Variants in CHST8 observed in about 807,000 individuals in gnomAD.
CHST8 encodes carbohydrate sulfotransferase 8.
CHST8 carries 10 observed loss-of-function variants against 15.0 expected under a neutral mutation model. That is an observed-to-expected ratio of 0.67 (90% confidence interval 0.41 to 1.13). The LOEUF (loss-of-function observed/expected upper bound fraction) is 1.13. Among genes scored for constraint, CHST8 ranks in the 50% most tolerant of loss-of-function variants. The pLI is 0.00. For synonymous variants in CHST8, 259 were observed against 256.6 expected, an observed-to-expected ratio of 1.01 and a Z score of -0.09; for missense variants, 634 against 608.2, an observed-to-expected ratio of 1.04 and a Z score of -0.45.
chr19:33,697,452 G>A (rs563434461), intron 3 of CHST8, among the ~76,000 whole-genome samples: 1 of 151,630 alleles, frequency 6.6e-6, no homozygotes, highest in African/African-American at 2.4e-5. Context: ...GGCTGGTCTC[G>A]AACTCCTGGC....
At chr19:33,660,259 C>A (rs1319175914) in intron 1 of CHST8, among the ~76,000 whole-genome samples, 1 of 152,226 alleles carries the variant, frequency 6.6e-6, no homozygotes, top group African/African-American at 2.4e-5. Flanking sequence ...CTTTTTAAGG[C>A]ATGGAAGTTC....
At chr19:33,738,538 G>C (rs1232750422) in intron 3 of CHST8, among the ~76,000 whole-genome samples, 1 of 152,184 alleles carries the variant, frequency 6.6e-6, no homozygotes, top group African/African-American at 2.4e-5. Context: ...CTATTATTCT[G>C]CTGTAAATAT....
intron 3 of CHST8, among the ~76,000 whole-genome samples, chr19:33,748,296 A>G (rs536988653): frequency 6.0e-4 from 91 of 152,376 alleles, no homozygotes; most frequent in Non-Finnish European, 1.1e-3. Flanking sequence ...GCAGAAGTGC[A>G]GGACCTAATG....
intron 3 of CHST8, among the ~76,000 whole-genome samples, chr19:33,743,523 G>T (rs972088127): frequency 3.3e-5 from 5 of 151,862 alleles, no homozygotes; most frequent in African/African-American, 1.2e-4. Flanking sequence ...GGATGGTCTC[G>T]ATCTCCTGAC....
chr19:33,712,429 C>T (rs143722581), intron 3 of CHST8, among the ~76,000 whole-genome samples: 84 of 152,112 alleles, frequency 5.5e-4, no homozygotes, highest in African/African-American at 2.0e-3. Context: ...GTGAGGTGAC[C>T]CCTGGTTGCT....
intron 2 of CHST8, among the ~76,000 whole-genome samples, chr19:33,680,069 C>T (rs2145243421): frequency 6.6e-6 from 1 of 152,316 alleles, no homozygotes; most frequent in South Asian, 2.1e-4. Context: ...CTCCAGCTTC[C>T]TCCCTTTTCC....
chr19:33,713,085 C>T (rs922785450), intron 3 of CHST8, among the ~76,000 whole-genome samples: 1 of 152,090 alleles, frequency 6.6e-6, no homozygotes, highest in African/African-American at 2.4e-5. Flanking sequence ...ATACTCCCCA[C>T]CAGCCATAGG....
chr19:33,764,395 G>A (rs539052447), intron 3 of CHST8, among the ~76,000 whole-genome samples: 9 of 152,320 alleles, frequency 5.9e-5, no homozygotes, highest in Non-Finnish European at 1.0e-4. Context: ...AGCACTTTGC[G>A]AGGCCAAAGC....
intron 3 of CHST8, among the ~76,000 whole-genome samples, chr19:33,707,973 C>T (rs563466499): frequency 1.3e-5 from 2 of 152,206 alleles, no homozygotes; most frequent in East Asian, 1.9e-4. Context: ...AGTGGTGTCT[C>T]ATTGTGGTTT....
rs1972293175 is a variant in CHST8 at position 33,642,222 on chromosome 19, T to C, written c.-164+19926T>C. Among the ~76,000 whole-genome samples, 5 of 152,278 alleles carry C rather than the reference T, an allele frequency of 3.3e-5. No homozygotes were observed. The South Asian group carries it at 1.0e-3, about 32-fold the overall frequency. ...CTGGGACTGCAGATGGGTGGGCGAC[T>C]GGCTGGGCTCTGTGTGCCTCTGGAG... On this transcript the variant is annotated intron_variant, in intron 1 of 4. Coordinates refer to ENST00000650847, the MANE Select transcript of CHST8 (RefSeq NM_001127895.2).
chr19:33,636,850 G>A (rs979531923), intron 1 of CHST8, among the ~76,000 whole-genome samples: 1 of 152,152 alleles, frequency 6.6e-6, no homozygotes, highest in Non-Finnish European at 1.5e-5. Flanking sequence ...GCAGTGAGCC[G>A]AGATCGCGCC....
At chr19:33,671,068 C>T (rs1972730558) in intron 2 of CHST8, among the ~76,000 whole-genome samples, 1 of 152,088 alleles carries the variant, frequency 6.6e-6, no homozygotes, top group Non-Finnish European at 1.5e-5. Flanking sequence ...ATTTCACTCA[C>T]ATATAACGAG....
chr19:33,714,058 A>G lies in CHST8; in HGVS notation c.130+24667A>G, dbSNP rs564259724. Among the ~76,000 whole-genome samples the G allele has an allele frequency of 9.7e-4, 148 of 152,288 alleles. No homozygotes were observed. The Middle Eastern group carries it at 0.02, about 21-fold the overall frequency. Reference sequence around the variant, plus strand: ...TTAGGATCACCTGTGGAGGTGTTAAAAACCCCAGTGTCCTCTATGGAAAAC... The same window carrying G: ...TTAGGATCACCTGTGGAGGTGTTAAGAACCCCAGTGTCCTCTATGGAAAAC... On this transcript the variant is annotated intron_variant, in intron 3 of 4. Transcript: ENST00000650847.
At chr19:33,702,819 G>T (rs577857579) in intron 3 of CHST8, among the ~76,000 whole-genome samples, 1 of 152,220 alleles carries the variant, frequency 6.6e-6, no homozygotes, top group Admixed American at 6.5e-5. Context: ...TGGAGGGACC[G>T]GGGGAGGAGG....
chr19:33,732,846 C>T (rs1381452014), intron 3 of CHST8, among the ~76,000 whole-genome samples: 1 of 152,166 alleles, frequency 6.6e-6, no homozygotes, highest in Non-Finnish European at 1.5e-5. Context: ...ATTTAATTCT[C>T]ACAAGGTTCC....
intron 1 of CHST8, among the ~76,000 whole-genome samples, chr19:33,635,788 C>T (rs76536078): frequency 0.012 from 1,779 of 152,142 alleles, 41 homozygotes; most frequent in African/African-American, 0.04. Context: ...TTGGAGGAGG[C>T]GAGCTGGGGA....
intron 1 of CHST8, among the ~76,000 whole-genome samples, chr19:33,661,279 G>A (rs887830802): frequency 6.6e-6 from 1 of 152,198 alleles, no homozygotes. Context: ...ATGTTTGTGT[G>A]CATTGAGATT....
intron 2 of CHST8, among the ~76,000 whole-genome samples, chr19:33,675,740 C>T (rs1368265466): frequency 6.6e-6 from 1 of 152,236 alleles, no homozygotes; most frequent in African/African-American, 2.4e-5. Flanking sequence ...CTTGAACAAC[C>T]ATGTTTAGGT....
At chr19:33,757,394 GA>G (rs1173593230) in intron 3 of CHST8, among the ~76,000 whole-genome samples, 11 of 4,942 alleles carry the variant, frequency 2.2e-3, no homozygotes, top group Admixed American at 8.2e-3. Flanking sequence ...AAAGAAGAAA[GA>G]AAGAAAGAAA....
Sources: allele counts gnomAD v4.1 joint callset (sites outside exome capture counted in the v4.1 genomes callset), GRCh38; gene constraint gnomAD v4.1.1; transcripts MANE v1.5; gene names NCBI Gene and HGNC (gene_info 2026-07-23, HGNC 2026-07-21).